CDKAL1: variants seen among roughly 807,000 people sequenced by gnomAD.
The protein encoded by CDKAL1 is threonylcarbamoyladenosine tRNA methylthiotransferase.
A neutral mutation model predicts 68.2 loss-of-function variants in CDKAL1; 32 were observed. The ratio of observed to expected loss-of-function variants is 0.47; its 90% CI spans 0.35 to 0.63. The LOEUF (loss-of-function observed/expected upper bound fraction) is 0.63, where lower values mean the gene tolerates loss of function less well. Among genes scored for constraint, CDKAL1 ranks in the 30% least tolerant of loss-of-function variants. The pLI, the probability that CDKAL1 is intolerant of heterozygous loss-of-function variation, is 0.00. For missense variants in CDKAL1, 606 were observed against 696.7 expected (o/e 0.87, Z 1.47); for synonymous variants, 234 against 244.3 (o/e 0.96, Z 0.39).
chr6:21,203,215 ATTTTTTTTTTTTTTTT>A (rs371165972), intron 15 of CDKAL1, among the ~76,000 whole-genome samples: 11 of 47,124 alleles, frequency 2.3e-4, no homozygotes, highest in Admixed American at 1.2e-3. Flanking sequence ...ATCCTGGCTA[ATTTTTTTTTTTTTTTT>A]TTTTTTTTTT....
intron 10 of CDKAL1, among the ~76,000 whole-genome samples, chr6:20,961,563 C>T (rs1056179032): frequency 6.6e-6 from 1 of 152,120 alleles, no homozygotes; most frequent in Non-Finnish European, 1.5e-5. Flanking sequence ...GTCAGGAGAT[C>T]GAGACCATCC....
At chr6:20,588,387 A>G (rs1376225114) in intron 4 of CDKAL1, among the ~76,000 whole-genome samples, 1 of 152,220 alleles carries the variant, frequency 6.6e-6, no homozygotes, top group Admixed American at 6.5e-5. Context: ...CTAGCAGCCT[A>G]CGCTACTCAT....
chr6:20,735,196 A>C (rs1339567095), intron 5 of CDKAL1, among the ~76,000 whole-genome samples: 1 of 152,008 alleles, frequency 6.6e-6, no homozygotes, highest in Admixed American at 6.6e-5. Flanking sequence ...AACTAATTTC[A>C]ACTTTTATTT....
chr6:20,650,709 C>G (rs941996460), intron 5 of CDKAL1, among the ~76,000 whole-genome samples: 3 of 152,092 alleles, frequency 2.0e-5, no homozygotes, highest in Admixed American at 2.0e-4. Flanking sequence ...AGTCTTTAAT[C>G]CATCTTGAGT....
intron 12 of CDKAL1, among the ~76,000 whole-genome samples, chr6:21,085,389 G>A (rs1326968334): frequency 6.6e-6 from 1 of 152,184 alleles, no homozygotes; most frequent in East Asian, 1.9e-4. Context: ...ACTCCTGGGT[G>A]CTCCTTACTC....
intron 11 of CDKAL1, among the ~76,000 whole-genome samples, chr6:21,009,956 A>C (rs1296418384): frequency 6.6e-6 from 1 of 152,206 alleles, no homozygotes; most frequent in South Asian, 2.1e-4. Flanking sequence ...ATTAACAACA[A>C]TTTATTGTAT....
chr6:20,665,671 A>C (rs182101559), intron 5 of CDKAL1, among the ~76,000 whole-genome samples: 1 of 117,960 alleles, frequency 8.5e-6, no homozygotes, highest in Non-Finnish European at 1.7e-5. Context: ...AAGTTCTTGG[A>C]AACTATAATT....
chr6:20,778,069 GCATCAGGA>G (rs1488581925), intron 7 of CDKAL1, among the ~76,000 whole-genome samples: 1 of 152,016 alleles, frequency 6.6e-6, no homozygotes, highest in Non-Finnish European at 1.5e-5. Flanking sequence ...AAAATAAATA[GCATCAGGA>G]CAGTTGAATA....
chr6:20,750,989 G>A (rs12199271), intron 6 of CDKAL1, among the ~76,000 whole-genome samples: 48,493 of 117,636 alleles, frequency 0.41, 10,033 homozygotes, highest in Non-Finnish European at 0.43. Context: ...AAAAAAAGAA[G>A]TAACAGTACT....
intron 5 of CDKAL1, among the ~76,000 whole-genome samples, chr6:20,668,026 C>A (rs1769635418): frequency 6.6e-6 from 1 of 151,858 alleles, no homozygotes; most frequent in Admixed American, 6.6e-5. Flanking sequence ...TCCCTTTCTC[C>A]TTTGTCTCTC....
chr6:21,158,495 G>A (rs985131299), intron 13 of CDKAL1, among the ~76,000 whole-genome samples: 1 of 152,202 alleles, frequency 6.6e-6, no homozygotes, highest in Non-Finnish European at 1.5e-5. Context: ...AAAGGGTCAT[G>A]ATGAAGCTCC....
chr6:21,202,106 A>G (rs1311487193), intron 15 of CDKAL1, among the ~76,000 whole-genome samples: 3 of 152,204 alleles, frequency 2.0e-5, no homozygotes, highest in African/African-American at 7.2e-5. Flanking sequence ...AATAAAGGGA[A>G]TACCGCTTCA....
chr6:20,943,509 A>G (rs1186163320), intron 9 of CDKAL1, among the ~76,000 whole-genome samples: 1 of 151,878 alleles, frequency 6.6e-6, no homozygotes, highest in East Asian at 1.9e-4. Context: ...CTCATGTGTT[A>G]GTGTGCTTGG....
intron 4 of CDKAL1, among the ~76,000 whole-genome samples, chr6:20,576,399 C>T (rs985211628): frequency 2.6e-5 from 4 of 152,084 alleles, no homozygotes; most frequent in African/African-American, 9.7e-5. Flanking sequence ...AGCAAGATGG[C>T]GTGACTCCTG....
chr6:20,853,914 C>T (rs1164842042), intron 9 of CDKAL1, among the ~76,000 whole-genome samples: 2 of 152,082 alleles, frequency 1.3e-5, no homozygotes, highest in Non-Finnish European at 2.9e-5. Context: ...GCAACACAAT[C>T]GTTGTTAATT....
chr6:20,877,496 G>T (rs775892213), intron 9 of CDKAL1, among the ~76,000 whole-genome samples: 1 of 152,148 alleles, frequency 6.6e-6, no homozygotes, highest in African/African-American at 2.4e-5. Flanking sequence ...ACCATTATGC[G>T]GGCCAGTCTG....
intron 11 of CDKAL1, among the ~76,000 whole-genome samples, chr6:21,049,367 C>T (rs1770416916): frequency 6.6e-6 from 1 of 152,068 alleles, no homozygotes; most frequent in African/African-American, 2.4e-5. Flanking sequence ...TTCATTGAAC[C>T]TTATAATTCA....
intron 5 of CDKAL1, among the ~76,000 whole-genome samples, chr6:20,669,581 A>G (rs1769714329): frequency 6.6e-6 from 1 of 152,216 alleles, no homozygotes; most frequent in South Asian, 2.1e-4. Context: ...AGAATGGTAC[A>G]AGGCTTGACT....
intron 5 of CDKAL1, among the ~76,000 whole-genome samples, chr6:20,659,011 G>A (rs1027948472): frequency 5.9e-5 from 9 of 151,840 alleles, no homozygotes; most frequent in Non-Finnish European, 1.2e-4. Flanking sequence ...TTTTTTTTTA[G>A]TAGAGAGGGG....
Sources: allele counts gnomAD v4.1 joint callset (sites outside exome capture counted in the v4.1 genomes callset), GRCh38; gene constraint gnomAD v4.1.1; transcripts MANE v1.5; gene names NCBI Gene and HGNC (gene_info 2026-07-23, HGNC 2026-07-21).